The following MED13L variants were observed in gnomAD, a reference collection of about 807,000 sequenced individuals.
The protein encoded by MED13L is mediator of RNA polymerase II transcription subunit 13-like.
Under a neutral mutation model 220.9 loss-of-function variants are expected in MED13L, and 7 were observed. The observed-to-expected ratio is 0.03, with a 90% CI of 0.02 to 0.06. The LOEUF (loss-of-function observed/expected upper bound fraction) is 0.06, where lower values mean the gene tolerates loss of function less well. MED13L is among the 10% of genes least tolerant of loss of function. MED13L has a pLI of 1.00. For synonymous variants in MED13L, 1,011 were observed against 1,015.2 expected, an observed-to-expected ratio of 1.00 and a Z score of 0.08; for missense variants, 1,965 against 2,760.5, an observed-to-expected ratio of 0.71 and a Z score of 6.46.
chr12:116,011,691 C>T (rs1879414280), intron 9 of MED13L, among the ~76,000 whole-genome samples: 1 of 152,170 alleles, frequency 6.6e-6, no homozygotes, highest in African/African-American at 2.4e-5. Flanking sequence ...CTCTCACATG[C>T]TCAGAGAGGG....
intron 1 of MED13L, among the ~76,000 whole-genome samples, chr12:116,263,055 T>C (rs558259029): frequency 2.5e-4 from 38 of 152,316 alleles, no homozygotes; most frequent in Middle Eastern, 6.8e-3. Context: ...AGGCAAATAT[T>C]TGTGCTCTTT....
intron 2 of MED13L, among the ~76,000 whole-genome samples, chr12:116,231,382 T>C (rs1869543214): frequency 6.6e-6 from 1 of 152,190 alleles, no homozygotes; most frequent in Admixed American, 6.5e-5. Flanking sequence ...TCAGTATTCT[T>C]GCCAAATATG....
chr12:116,047,525 T>C (rs1188996919), intron 4 of MED13L, among the ~76,000 whole-genome samples: 2 of 152,200 alleles, frequency 1.3e-5, no homozygotes, highest in Admixed American at 6.5e-5. Flanking sequence ...TGACATGTTC[T>C]TGATAGTCAA....
intron 2 of MED13L, among the ~76,000 whole-genome samples, chr12:116,182,622 TCA>T (rs1880608155): frequency 6.6e-6 from 1 of 151,660 alleles, no homozygotes; most frequent in Non-Finnish European, 1.5e-5. Context: ...TTCTACTCTC[TCA>T]CTCTCTCTTT....
At chr12:116,012,097 G>A (rs1879446535) in intron 9 of MED13L, among the ~76,000 whole-genome samples, 1 of 152,160 alleles carries the variant, frequency 6.6e-6, no homozygotes, top group South Asian at 2.1e-4. Context: ...AAATAGCCCA[G>A]TCGTGGTGAA....
intron 2 of MED13L, among the ~76,000 whole-genome samples, chr12:116,154,489 T>C (rs1006847740): frequency 2.0e-5 from 3 of 152,180 alleles, no homozygotes; most frequent in African/African-American, 7.2e-5. Flanking sequence ...TTTAAAGAAA[T>C]AATTCCATGC....
At chr12:115,996,372 A>T in intron 16 of MED13L, 104 bp downstream of exon 16, 1 of 1,335,118 alleles carries the variant, frequency 7.5e-7, no homozygotes, top group Non-Finnish European at 1.1e-6. Context: ...GATTACAGGC[A>T]TGAGCCACCG....
Position 115,958,721 on chromosome 12 carries a change from G to A in MED13L, c.*2545C>T, listed in dbSNP as rs1004020878. 1 of 152,234 alleles carries A rather than the reference G, an allele frequency of 6.6e-6. No homozygotes were observed. Among genetic ancestry groups the A allele is most frequent in the Non-Finnish European group, 1.5e-5 (1 of 68,006 alleles). 9.4% of individuals were successfully genotyped at this position (152,234 alleles called of 1,614,324 possible). A position where few individuals can be genotyped will look rare whatever the true frequency, so the allele number is the denominator to read the frequency against. The stretch of plus-strand genomic sequence containing the variant: ...AAGTCTTTTAGTGTACTGTACCAGC[G>A]CTATACTGTAGTTATTTTTTTAAAT... On this transcript the variant is annotated 3_prime_UTR_variant, in exon 31 of 31. Transcript: ENST00000281928.
chr12:115,988,836 C>A (rs372173485), intron 17 of MED13L, among the ~76,000 whole-genome samples: 1 of 152,058 alleles, frequency 6.6e-6, no homozygotes, highest in African/African-American at 2.4e-5. Flanking sequence ...CTTTTCTGTC[C>A]GAAGGCCTAT....
rs2137371001 is a variant in MED13L at position 116,005,877 on chromosome 12, C to T, written c.2461G>A (p.Glu821Lys). 3 of 1,613,832 alleles carry T rather than the reference C, an allele frequency of 1.9e-6. No individual in the cohort carries two copies. Among genetic ancestry groups the T allele is most frequent in the Non-Finnish European group, 2.5e-6 (3 of 1,179,782 alleles). The change falls in exon 13 of 31, where the codon GAA (glutamate) becomes AAA (lysine). Residue 821 changes from glutamate (E) to lysine (K), a missense_variant. Coordinates refer to ENST00000281928, the MANE Select transcript of MED13L (RefSeq NM_015335.5). The part of the protein sequence containing the change: ...DNIFDNSDDD[E>K]LGAVSPALRS... ...AGCTACGGCAAACTCACCCCAAGTT[C>T]GTCGTCATCAGAATTATCAAAGATG...
chr12:116,031,843 A>G (rs2137500928), intron 4 of MED13L, among the ~76,000 whole-genome samples: 1 of 152,090 alleles, frequency 6.6e-6, no homozygotes, highest in East Asian at 1.9e-4. Flanking sequence ...TGGTGATGCT[A>G]TCTTTATTTG....
rs1014474162 is a variant in MED13L, at chr12:116,005,773, A to G, written c.2469+96T>C. 1.9e-5 allele frequency: 29 copies of G among 1,504,406 alleles called. No homozygotes were observed. In the African/African-American group the frequency reaches 3.0e-4, roughly 16 times the overall value. 93.2% of individuals were successfully genotyped at this position (1,504,406 alleles called of 1,614,324 possible). On this transcript the variant is annotated intron_variant, in intron 13 of 30. Transcript: ENST00000281928. The stretch of plus-strand genomic sequence containing the variant: ...TCAGAACCTGAAATAAGAGCCCCCA[A>G]ATTCAGGACACCAAACTATAAAGAA...
At chr12:116,223,026 A>T (rs1868592896) in intron 2 of MED13L, among the ~76,000 whole-genome samples, 1 of 152,208 alleles carries the variant, frequency 6.6e-6, no homozygotes, top group Admixed American at 6.5e-5. Context: ...TGTCAATTTG[A>T]TTCTATAGTA....
At chr12:116,240,691 C>T (rs902722839) in intron 1 of MED13L, among the ~76,000 whole-genome samples, 1 of 151,712 alleles carries the variant, frequency 6.6e-6, no homozygotes, top group Non-Finnish European at 1.5e-5. Context: ...CGCCCGCCAC[C>T]GCGCCCGGCT....
chr12:115,979,598 T>C (rs1440252344), intron 23 of MED13L, among the ~76,000 whole-genome samples: 5 of 152,220 alleles, frequency 3.3e-5, no homozygotes, highest in Non-Finnish European at 7.3e-5. Context: ...TGTTAACTAC[T>C]TGCATCATTT....
At chr12:115,969,579 C>CTT (rs35927318) in intron 27 of MED13L, among the ~76,000 whole-genome samples, 24 of 143,536 alleles carry the variant, frequency 1.7e-4, no homozygotes, top group South Asian at 6.6e-4. Flanking sequence ...TGTTTTCTCT[C>CTT]TTTTTTTTTT....
At chr12:116,246,905 A>AAGAAGAGGGGAGTGGGG (rs1871149285) in intron 1 of MED13L, among the ~76,000 whole-genome samples, 1 of 70,550 alleles carries the variant, frequency 1.4e-5, no homozygotes, top group Non-Finnish European at 2.8e-5. Context: ...GGGAGGCGGG[A>AAGAAGAGGGGAGTGGGG]AGAAGAGGGG....
chr12:116,105,790 G>A (rs1873519027), intron 3 of MED13L, among the ~76,000 whole-genome samples: 1 of 152,132 alleles, frequency 6.6e-6, no homozygotes. Flanking sequence ...ATAAATAAAT[G>A]CTATCCCTTC....
intron 2 of MED13L, among the ~76,000 whole-genome samples, chr12:116,159,451 T>G (rs1461549427): frequency 6.6e-6 from 1 of 152,192 alleles, no homozygotes; most frequent in African/African-American, 2.4e-5. Context: ...CAGAATACAA[T>G]TTCCTCTCAT....
Sources: gnomAD v4.1 joint callset for allele counts (sites outside exome capture counted in the v4.1 genomes callset) on GRCh38, gnomAD v4.1.1 for gene constraint, MANE v1.5 for transcripts, NCBI Gene and HGNC (gene_info 2026-07-23, HGNC 2026-07-21) for gene names.